CPA4: variants seen among roughly 807,000 people sequenced by gnomAD.
CPA4 encodes the protein carboxypeptidase A4.
Under a neutral mutation model 54.7 loss-of-function variants are expected in CPA4, and 49 were observed. That is an observed-to-expected ratio of 0.90 (90% CI 0.71 to 1.14). The LOEUF (loss-of-function observed/expected upper bound fraction) is 1.14, where lower values mean the gene tolerates loss of function less well. Among genes scored for constraint, CPA4 ranks in the 50% most tolerant of loss-of-function variants. CPA4 has a pLI of 0.00. For missense variants in CPA4, 487 were observed against 525.1 expected (o/e 0.93, Z 0.71); for synonymous variants, 215 against 206.8 (o/e 1.04, Z -0.34).
intron 10 of CPA4, among the ~76,000 whole-genome samples, chr7:130,318,638 C>T (rs1262598469): frequency 1.3e-5 from 2 of 151,980 alleles, no homozygotes; most frequent in African/African-American, 2.4e-5. Flanking sequence ...CTTGAGCTCC[C>T]GACCTCAGGT....
chr7:130,301,636 A>T (rs1793739627), intron 4 of CPA4, among the ~76,000 whole-genome samples: 1 of 152,246 alleles, frequency 6.6e-6, no homozygotes, highest in Non-Finnish European at 1.5e-5. Flanking sequence ...ACCTTAATAC[A>T]TGTTGTTCTT....
At chr7:130,321,327 A>G (rs913347756) in intron 10 of CPA4, among the ~76,000 whole-genome samples, 2 of 152,226 alleles carry the variant, frequency 1.3e-5, no homozygotes, top group African/African-American at 2.4e-5. Context: ...GTAAGTCCCA[A>G]GGGCTGTGCT....
chr7:130,294,902 A>G (rs1793625303), intron 1 of CPA4, among the ~76,000 whole-genome samples: 1 of 152,162 alleles, frequency 6.6e-6, no homozygotes, highest in Admixed American at 6.5e-5. Flanking sequence ...CAGGCTCTGG[A>G]TTGGCTGCTG....
chr7:130,314,437 G>A (rs1793958894), intron 10 of CPA4, among the ~76,000 whole-genome samples: 1 of 152,208 alleles, frequency 6.6e-6, no homozygotes. Context: ...AACAAAGGAA[G>A]CTCCTTTCTG....
intron 7 of CPA4, 106 bp from the exon 8 acceptor site, chr7:130,308,201 A>T: frequency 3.3e-6 from 3 of 918,754 alleles, no homozygotes; most frequent in Non-Finnish European, 5.4e-6. Context: ...CCCTCCTGGC[A>T]GAACTGCAAG....
chr7:130,296,586 T>C (rs1031148565), intron 1 of CPA4, among the ~76,000 whole-genome samples: 19 of 152,164 alleles, frequency 1.2e-4, no homozygotes, highest in African/African-American at 4.6e-4. Flanking sequence ...CTTTTCCTCT[T>C]TGTGATTGCT....
At chr7:130,294,676 A>G (rs774211813) in intron 1 of CPA4, among the ~76,000 whole-genome samples, 48 of 152,230 alleles carry the variant, frequency 3.2e-4, no homozygotes, top group Non-Finnish European at 5.3e-4. Flanking sequence ...TTTTGCACAG[A>G]AAAAGCTGTG....
At chr7:130,322,255 A>G (rs1368800614) in intron 10 of CPA4, among the ~76,000 whole-genome samples, 1 of 152,162 alleles carries the variant, frequency 6.6e-6, no homozygotes, top group African/African-American at 2.4e-5. Flanking sequence ...CGTTAGTAAT[A>G]AGGTGGGAGT....
chr7:130,322,354 T>C, intron 10 of CPA4, 135 bp from the exon 11 acceptor site: 1 of 672,848 alleles, frequency 1.5e-6, no homozygotes, highest in East Asian at 2.6e-5. Context: ...CTGATGATTT[T>C]GTCATAGGAC....
At position 130,296,679 on chromosome 7, in the gene CPA4, CTTTTTTTTT is replaced by C. The variant is rs369325885; in HGVS notation, c.69-2050_69-2042del. Among the ~76,000 whole-genome samples the C allele has an allele frequency of 1.4e-4, 10 of 73,006 alleles. 1 individual carries two copies. In the South Asian group the frequency reaches 2.3e-3, roughly 17 times the overall value. 47.9% of individuals were successfully genotyped at this position (73,006 alleles called of 152,430 possible). ...AAGATCTTTCTAGCAGCTCCCCTCA[CTTTTTTTTT>C]TTTTTTTTTTTTTTTTGAGACAGGG... is the stretch of plus-strand genomic sequence containing the variant. On this transcript the variant is annotated intron_variant, in intron 1 of 10. Transcript: ENST00000222482.
At chr7:130,300,783 G>A (rs754398582) in intron 3 of CPA4, 33 bp from the exon 4 acceptor site, 6 of 1,467,288 alleles carry the variant, frequency 4.1e-6, no homozygotes, top group Middle Eastern at 3.5e-4. Context: ...CGTCTGCAAT[G>A]GATCACTTCA....
chr7:130,302,075 C>A (rs1793747130), intron 4 of CPA4, among the ~76,000 whole-genome samples: 1 of 152,208 alleles, frequency 6.6e-6, no homozygotes, highest in African/African-American at 2.4e-5. Flanking sequence ...TTTGAGGCGC[C>A]CTTTGCAGCC....
chr7:130,308,511 T>C, intron 8 of CPA4, 114 bp downstream of exon 8: 1 of 779,248 alleles, frequency 1.3e-6, no homozygotes, highest in South Asian at 1.5e-5. Context: ...CGTTGCTGCG[T>C]CACTGAGAGA....
chr7:130,322,063 A>G (rs114446140), intron 10 of CPA4, among the ~76,000 whole-genome samples: 1,749 of 152,306 alleles, frequency 0.011, 23 homozygotes, highest in African/African-American at 0.04. Context: ...CTTGAAAGTC[A>G]GACAGCTTCA....
At position 130,300,265 on chromosome 7, in the gene CPA4, G is replaced by A. The variant is rs141302461; in HGVS notation, c.286-551G>A. ...TCATACTATAGGATAGCCAAAGAGC[G>A]CATATGTTGCTTCCAGGGAGTAAGT... On this transcript the variant is annotated intron_variant, in intron 3 of 10. Coordinates refer to ENST00000222482, the MANE Select transcript of CPA4 (RefSeq NM_016352.4). Among the ~76,000 whole-genome samples the A allele has an allele frequency of 2.5e-3, 387 of 152,084 alleles. 1 individual carries two copies. Among genetic ancestry groups the A allele is most frequent in the Middle Eastern group, 0.014 (4 of 294 alleles).
intron 3 of CPA4, among the ~76,000 whole-genome samples, chr7:130,300,262 A>G (rs990162856): frequency 1.3e-5 from 2 of 151,966 alleles, no homozygotes; most frequent in Admixed American, 6.6e-5. Context: ...ATAGCCAAAG[A>G]GCGCATATGT....
intron 1 of CPA4, chr7:130,293,480 T>G (rs1323296217): frequency 2.0e-6 from 1 of 497,818 alleles, no homozygotes; most frequent in East Asian, 3.9e-5. Flanking sequence ...CCTCATCTCC[T>G]GCCAGTTCTT....
intron 10 of CPA4, among the ~76,000 whole-genome samples, chr7:130,314,001 C>A (rs1276388378): frequency 6.6e-6 from 1 of 152,188 alleles, no homozygotes; most frequent in African/African-American, 2.4e-5. Context: ...CACAATACTG[C>A]AGTCAGATGT....
intron 5 of CPA4, 60 bp from the exon 6 acceptor site, chr7:130,305,756 G>C (rs1224535046): frequency 9.4e-6 from 11 of 1,168,710 alleles, no homozygotes; most frequent in East Asian, 4.7e-5. Context: ...GCTGGAGAGA[G>C]GAGAAGTGAG....
Sources: gnomAD v4.1 joint callset for allele counts (sites outside exome capture counted in the v4.1 genomes callset) on GRCh38, gnomAD v4.1.1 for gene constraint, MANE v1.5 for transcripts, NCBI Gene and HGNC (gene_info 2026-07-23, HGNC 2026-07-21) for gene names.